The following CSMD2 variants were observed in gnomAD, a reference collection of about 807,000 sequenced individuals.
CSMD2 encodes the protein CUB and sushi domain-containing protein 2.
In CSMD2, 130 loss-of-function variants were observed where a neutral mutation model predicts 398.5. The observed-to-expected ratio is 0.33, with a 90% CI of 0.28 to 0.38. The LOEUF is 0.38. CSMD2 is among the 10% of genes least tolerant of loss of function. CSMD2 has a pLI of 1.00. For missense variants in CSMD2, 3,829 were observed against 4,764.9 expected, an observed-to-expected ratio of 0.80 and a Z score of 5.78; for synonymous variants, 1,828 against 1,908.5, an observed-to-expected ratio of 0.96 and a Z score of 1.10.
intron 11 of CSMD2, among the ~76,000 whole-genome samples, chr1:33,790,824 T>TCTATCTAC (rs1171120669): frequency 2.6e-5 from 4 of 151,934 alleles, no homozygotes; most frequent in African/African-American, 4.8e-5. Flanking sequence ...TATCTATCTA[T>TCTATCTAC]CTATCTATCT....
intron 32 of CSMD2, among the ~76,000 whole-genome samples, chr1:33,628,824 A>T (rs1642289517): frequency 6.6e-6 from 1 of 152,192 alleles, no homozygotes; most frequent in Non-Finnish European, 1.5e-5. Context: ...CAACAACAAA[A>T]AAAGAAAATC....
In CSMD2 at chr1:33,784,154, G is replaced by A. The variant is rs142967069; in HGVS notation, c.1663+4446C>T. 1.7e-3 allele frequency among the ~76,000 whole-genome samples: 254 copies of A among 152,330 alleles called. 7 individuals carry two copies. In the East Asian group the frequency reaches 0.044, roughly 27 times the overall value. ...TTGGGTTGAGGCTGAAACCATGGAA[G>A]TACACGTGATCAACTGCAGAAGGTT... On this transcript the variant is annotated intron_variant, in intron 12 of 70. Coordinates refer to ENST00000373381, the MANE Select transcript of CSMD2 (RefSeq NM_001281956.2).
intron 46 of CSMD2, among the ~76,000 whole-genome samples, chr1:33,585,964 A>G (rs990347820): frequency 3.9e-5 from 5 of 128,166 alleles, no homozygotes; most frequent in African/African-American, 1.3e-4. Context: ...GGGCAGGACA[A>G]TCAGGTACCT....
intron 25 of CSMD2, among the ~76,000 whole-genome samples, chr1:33,684,800 C>T (rs1006568318): frequency 6.6e-6 from 1 of 152,196 alleles, no homozygotes; most frequent in Admixed American, 6.5e-5. Flanking sequence ...TGTAGTCCAC[C>T]CCCAACTGCC....
chr1:33,724,622 G>A lies in CSMD2; in HGVS notation c.2778C>T (p.Gly926=), dbSNP rs535129082. The change falls in exon 18 of 71, where the codon GGC becomes GGT. Residue 926 remains glycine, a synonymous_variant. Coordinates refer to ENST00000373381, the MANE Select transcript of CSMD2 (RefSeq NM_001281956.2). ...GQRHGNDFYV[G]ALVTFSCDSG... is the part of the protein sequence containing the mutation. ...AGTCACAGCTGAAGGTCACCAGCGCGCCCACGTAGAAGTCATTCCCATGAC... is the reference window on the plus strand; with the variant it reads ...AGTCACAGCTGAAGGTCACCAGCGCACCCACGTAGAAGTCATTCCCATGAC... The A allele has an allele frequency of 4.5e-5, 73 of 1,614,126 alleles. No individual in the cohort carries two copies. Among genetic ancestry groups the A allele is most frequent in the East Asian group, 3.6e-4 (16 of 44,868 alleles).
At position 33,820,442 on chromosome 1, in the gene CSMD2, A is replaced by G. The variant is rs181585856; in HGVS notation, c.1199+27T>C. ...GCCAGGCCACCCCACCCTTCTTGCA[A>G]TCAGAAAATTCCCAAATAGATCTTA... On this transcript the variant is annotated intron_variant, in intron 8 of 70. Transcript: ENST00000373381. The G allele has an allele frequency of 4.0e-5, 62 of 1,531,190 alleles. No homozygotes were observed. In the African/African-American group the frequency reaches 7.1e-4, roughly 18 times the overall value. The allele number at this position is 1,531,190 out of a possible 1,614,324, so 94.9% of individuals were successfully genotyped here.
chr1:33,831,412 AG>A (rs1659541426), intron 6 of CSMD2, among the ~76,000 whole-genome samples: 2 of 152,220 alleles, frequency 1.3e-5, no homozygotes, highest in Admixed American at 6.5e-5. Flanking sequence ...AGCCAAACTA[AG>A]CTTCATAAGT....
chr1:34,009,689 T>G (rs1236014238), intron 3 of CSMD2, among the ~76,000 whole-genome samples: 1 of 152,110 alleles, frequency 6.6e-6, no homozygotes. Flanking sequence ...AGCGCTTAAC[T>G]CCTAAATCCA....
intron 15 of CSMD2, among the ~76,000 whole-genome samples, chr1:33,728,305 T>C (rs1646606092): frequency 6.7e-6 from 1 of 149,958 alleles, no homozygotes. Context: ...ATCAGTTTCA[T>C]AAAAGATAGT....
Position 33,636,659 on chromosome 1 carries a change from A to G in CSMD2, c.4775-105T>C. ...GGAGAACCCGACTTTAATTAGCCAC[A>G]GAGCACACGGGGATGCGTGACTGTG... On this transcript the variant is annotated intron_variant, in intron 29 of 70. Transcript: ENST00000373381. This position sits in a 1 kb window ranked among gnomAD's most constrained non-coding sequence, Gnocchi z 4.8. 1 of 878,676 alleles carries G rather than the reference A, an allele frequency of 1.1e-6. No homozygotes were observed. Among genetic ancestry groups the G allele is most frequent in the Non-Finnish European group, 1.8e-6 (1 of 554,360 alleles). 54.4% of individuals were successfully genotyped at this position (878,676 alleles called of 1,614,324 possible). A position where few individuals can be genotyped will look rare whatever the true frequency, so the allele number is the denominator to read the frequency against.
At chr1:34,084,740 G>A (rs1280272508) in intron 2 of CSMD2, among the ~76,000 whole-genome samples, 1 of 151,998 alleles carries the variant, frequency 6.6e-6, no homozygotes, top group Non-Finnish European at 1.5e-5. Context: ...ACAGGTGCTG[G>A]AGAGGATGTG....
intron 5 of CSMD2, among the ~76,000 whole-genome samples, chr1:33,875,769 G>A (rs1640797363): frequency 6.6e-6 from 1 of 152,168 alleles, no homozygotes; most frequent in African/African-American, 2.4e-5. Context: ...GTTGTAATTG[G>A]TAAAGAAGCA....
intron 52 of CSMD2, 51 bp from the exon 53 acceptor site, chr1:33,567,892 C>T: frequency 2.0e-6 from 3 of 1,532,246 alleles, no homozygotes; most frequent in Middle Eastern, 1.7e-4. Context: ...CAACTCATTA[C>T]TTTTCCCACC....
At chr1:33,750,138 T>C (rs1648018901) in intron 13 of CSMD2, among the ~76,000 whole-genome samples, 1 of 152,064 alleles carries the variant, frequency 6.6e-6, no homozygotes, top group Non-Finnish European at 1.5e-5. Flanking sequence ...TGTTCCTGGT[T>C]GAAAATAATT....
At chr1:33,708,387 A>T (rs1645873888) in intron 22 of CSMD2, among the ~76,000 whole-genome samples, 1 of 139,074 alleles carries the variant, frequency 7.2e-6, no homozygotes, top group African/African-American at 2.5e-5. Flanking sequence ...ACAGACACAG[A>T]TCCCCAAAAC....
intron 1 of CSMD2, among the ~76,000 whole-genome samples, chr1:34,128,683 TGCAGA>T (rs1475166544): frequency 3.3e-5 from 5 of 152,178 alleles, no homozygotes; most frequent in African/African-American, 1.2e-4. Flanking sequence ...GGTTGTCAAG[TGCAGA>T]CTCATATCCT....
chr1:33,690,287 C>T (rs1015127267), intron 25 of CSMD2, among the ~76,000 whole-genome samples: 1 of 152,162 alleles, frequency 6.6e-6, no homozygotes, highest in Non-Finnish European at 1.5e-5. Context: ...TGCCTAGAGG[C>T]CCATTACCCT....
intron 3 of CSMD2, among the ~76,000 whole-genome samples, chr1:33,959,400 A>G (rs1168843767): frequency 6.6e-6 from 1 of 152,072 alleles, no homozygotes; most frequent in Non-Finnish European, 1.5e-5. Flanking sequence ...ATTTCCATTC[A>G]ATGTAGAATA....
chr1:33,947,420 C>G (rs545127902), intron 3 of CSMD2, among the ~76,000 whole-genome samples: 28 of 152,292 alleles, frequency 1.8e-4, no homozygotes, highest in African/African-American at 6.0e-4. Context: ...TCAACTAATC[C>G]CTTAGACAAC....
Sources: allele counts gnomAD v4.1 joint callset (sites outside exome capture counted in the v4.1 genomes callset), GRCh38; gene constraint gnomAD v4.1.1; non-coding constraint Gnocchi (gnomAD v3.1); transcripts MANE v1.5; gene names NCBI Gene and HGNC (gene_info 2026-07-23, HGNC 2026-07-21).